Variants in RAD18 observed in about 807,000 individuals in gnomAD.
The protein encoded by RAD18 is RAD18 E3 ubiquitin protein ligase, also known as E3 ubiquitin-protein ligase RAD18.
In RAD18, 47 loss-of-function variants were observed where a neutral mutation model predicts 60.4. The ratio of observed to expected loss-of-function variants is 0.78; its 90% CI spans 0.62 to 0.99. The LOEUF is 0.99. Among genes scored for constraint, RAD18 ranks in the 50% least tolerant of loss-of-function variants. The pLI, the probability that RAD18 is intolerant of heterozygous loss-of-function variation, is 0.00. For missense variants in RAD18, 640 were observed against 593.3 expected (o/e 1.08, Z -0.82); for synonymous variants, 225 against 195.5 (o/e 1.15, Z -1.26).
At chr3:8,949,075 T>C (rs1365339446) in intron 2 of RAD18, among the ~76,000 whole-genome samples, 2 of 152,200 alleles carry the variant, frequency 1.3e-5, no homozygotes, top group East Asian at 3.8e-4. Flanking sequence ...AAAGGAAGGT[T>C]CTTGACCTCA....
At position 8,906,822 on chromosome 3, in the gene RAD18, AT is replaced by A. The variant is rs1940013699; in HGVS notation, c.1028-4303del. ...TTTTTTTTTTTAATCAAAATATGTT[AT>A]TTATGCTAACATGTAATGGGTTTAT... On this transcript the variant is annotated intron_variant, in intron 9 of 12. Coordinates refer to ENST00000264926, the MANE Select transcript of RAD18 (RefSeq NM_020165.4). Among the ~76,000 whole-genome samples the A allele has an allele frequency of 4.2e-5, 6 of 142,166 alleles. No individual in the cohort carries two copies. In the South Asian group the frequency reaches 1.3e-3, roughly 32 times the overall value. 93.3% of individuals were successfully genotyped at this position (142,166 alleles called of 152,430 possible). A position where few individuals can be genotyped will look rare whatever the true frequency, so the allele number is the denominator to read the frequency against.
In RAD18 at chr3:8,922,962, G is replaced by A. The variant is rs572564191; in HGVS notation, c.890-9242C>T. 3.6e-4 allele frequency among the ~76,000 whole-genome samples: 55 copies of A among 152,246 alleles called. No homozygotes were observed. The South Asian group carries it at 9.8e-3, about 27-fold the overall frequency. ...AAAGGTAGATAAAACCACAAAGATG[G>A]GGAAAAAACAGCAGAAAAGCTGAAA... On this transcript the variant is annotated intron_variant, in intron 7 of 12. Transcript: ENST00000264926.
rs141308311 is a variant in RAD18, at chr3:8,939,639, A to C, written c.619T>G (p.Cys207Gly). The change falls in exon 6 of 13, where the codon TGC becomes GGC. Residue 207 changes from cysteine (C) to glycine (G), a missense_variant. Cys to Gly is a radical substitution (Grantham distance 159). Coordinates refer to ENST00000264926, the MANE Select transcript of RAD18 (RefSeq NM_020165.4). ...TGACTTTCTGGAATGTTAACCCCGC[A>C]AACAGGACAATCCACTGTATTTTTT... The part of the protein sequence containing the change: ...KQVTKVDCPV[C>G]GVNIPESHIN... The C allele has an allele frequency of 5.6e-6, 9 of 1,611,980 alleles. No homozygotes were observed. Among genetic ancestry groups the C allele is most frequent in the Non-Finnish European group, 5.9e-6 (7 of 1,178,464 alleles).
At position 8,941,169 on chromosome 3, in the gene RAD18, G is replaced by C. The variant is rs564721988; in HGVS notation, c.604+298C>G. ...TAAAAAGAGCTTTTCAAGATTAAAT[G>C]GGAACTGATATGTTGAATGAGGGGA... On this transcript the variant is annotated intron_variant, in intron 5 of 12. Transcript: ENST00000264926. 2.6e-5 allele frequency among the ~76,000 whole-genome samples: 4 copies of C among 152,290 alleles called. No individual in the cohort carries two copies. In the South Asian group the frequency reaches 8.3e-4, roughly 32 times the overall value.
chr3:8,935,827 C>T, intron 7 of RAD18, 44 bp downstream of exon 7: 1 of 1,421,900 alleles, frequency 7.0e-7, no homozygotes. Context: ...CACAAAATTG[C>T]TTTATCCAGA....
chr3:8,924,125 TAA>T (rs1559780633), intron 7 of RAD18, among the ~76,000 whole-genome samples: 1 of 152,036 alleles, frequency 6.6e-6, no homozygotes, highest in Admixed American at 6.5e-5. Flanking sequence ...GCAAATTGGA[TAA>T]AGAGTCAAGA....
intron 7 of RAD18, among the ~76,000 whole-genome samples, chr3:8,923,367 A>C (rs1940365817): frequency 2.0e-5 from 3 of 152,250 alleles, no homozygotes; most frequent in African/African-American, 7.2e-5. Context: ...TTAGAGAACA[A>C]AGAATAAAAA....
chr3:8,915,497 A>G (rs1247358987), intron 7 of RAD18, among the ~76,000 whole-genome samples: 1 of 152,132 alleles, frequency 6.6e-6, no homozygotes, highest in Non-Finnish European at 1.5e-5. Flanking sequence ...ATGAACTGCA[A>G]AAGACCAAGG....
chr3:8,961,848 C>A (rs1031051370), intron 1 of RAD18, among the ~76,000 whole-genome samples: 2 of 152,152 alleles, frequency 1.3e-5, no homozygotes, highest in Admixed American at 1.3e-4. Context: ...CTAAAGAACA[C>A]TGAAATTGTG....
At chr3:8,882,875 T>A (rs533856231) in intron 12 of RAD18, among the ~76,000 whole-genome samples, 29 of 152,310 alleles carry the variant, frequency 1.9e-4, no homozygotes, top group African/African-American at 5.8e-4. Flanking sequence ...TAGAAGGATG[T>A]GCATTTCTAG....
At chr3:8,914,498 G>A (rs1940161382) in intron 7 of RAD18, among the ~76,000 whole-genome samples, 1 of 152,166 alleles carries the variant, frequency 6.6e-6, no homozygotes. Flanking sequence ...GGGGAAATCA[G>A]TAAACTCTTT....
At chr3:8,919,927 T>A (rs1484909991) in intron 7 of RAD18, among the ~76,000 whole-genome samples, 1 of 151,834 alleles carries the variant, frequency 6.6e-6, no homozygotes, top group African/African-American at 2.4e-5. Context: ...AACACGAAAA[T>A]AATTAAGAGA....
In RAD18 at chr3:8,913,674, C is replaced by T. The variant is rs1408487773; in HGVS notation, c.936G>A (p.Met312Ile). 1.3e-6 allele frequency: 2 copies of T among 1,576,176 alleles called. No individual in the cohort carries two copies. Among genetic ancestry groups the T allele is most frequent in the South Asian group, 1.2e-5 (1 of 85,060 alleles). ...CATTGAGTTTACTAGCTTCAAGACG[C>T]ATCCTAGTCTTCTCTATATTTTCGA... ...REIENIEKTRMRLEASKLNES... is the reference protein window; with the variant it reads ...REIENIEKTRIRLEASKLNES... Residue 312 changes from methionine to isoleucine, a missense_variant, in exon 8 of 13, where the codon ATG becomes ATA. Physicochemically the swap from Met to Ile is conservative, Grantham distance 10. Coordinates refer to ENST00000264926, the MANE Select transcript of RAD18 (RefSeq NM_020165.4).
At chr3:8,929,364 A>C (rs1940507998) in intron 7 of RAD18, among the ~76,000 whole-genome samples, 1 of 152,194 alleles carries the variant, frequency 6.6e-6, no homozygotes, top group Non-Finnish European at 1.5e-5. Context: ...GGAAAAAAGA[A>C]GACACATTTT....
At chr3:8,957,698 AACT>A (rs977541805) in intron 2 of RAD18, among the ~76,000 whole-genome samples, 24 of 152,170 alleles carry the variant, frequency 1.6e-4, no homozygotes, top group African/African-American at 5.8e-4. Context: ...TTTGGTGAAA[AACT>A]ACTAAGTTTC....
At chr3:8,920,855 T>C (rs1179874176) in intron 7 of RAD18, among the ~76,000 whole-genome samples, 2 of 152,222 alleles carry the variant, frequency 1.3e-5, no homozygotes, top group African/African-American at 4.8e-5. Context: ...AAATGCAATA[T>C]GTGATCCAAA....
chr3:8,886,185 G>A (rs1575530742), intron 12 of RAD18, among the ~76,000 whole-genome samples: 1 of 152,244 alleles, frequency 6.6e-6, no homozygotes, highest in East Asian at 1.9e-4. Flanking sequence ...GCCTGGCAAG[G>A]CCTTAGGTCT....
chr3:8,951,866 T>C (rs1940930831), intron 2 of RAD18, among the ~76,000 whole-genome samples: 1 of 152,206 alleles, frequency 6.6e-6, no homozygotes, highest in Non-Finnish European at 1.5e-5. Context: ...GGTGCCAATA[T>C]GGTAAGTTTA....
Position 8,939,548 on chromosome 3 carries a change from C to T in RAD18, c.704+6G>A, listed in dbSNP as rs780099775. ...GTAGCTCAATGGTTCTGCTCAACTT[C>T]CTTACCTTCTGAGGCTTTCCTTCTT... On this transcript the variant is annotated splice_donor_region_variant and intron_variant, in intron 6 of 12. Coordinates refer to ENST00000264926, the MANE Select transcript of RAD18 (RefSeq NM_020165.4). 6.2e-7 allele frequency: 1 copy of T among 1,607,106 alleles called. No individual in the cohort carries two copies. The highest frequency in any genetic ancestry group is 2.2e-5 in the East Asian group (1 of 44,776).
Sources: gnomAD v4.1 joint callset for allele counts (sites outside exome capture counted in the v4.1 genomes callset) on GRCh38, gnomAD v4.1.1 for gene constraint, MANE v1.5 for transcripts, NCBI Gene and HGNC (gene_info 2026-07-23, HGNC 2026-07-21) for gene names.